PPP3CA: variants seen among roughly 807,000 people sequenced by gnomAD.
The protein encoded by PPP3CA is protein phosphatase 3 catalytic subunit alpha.
Under a neutral mutation model 66.5 loss-of-function variants are expected in PPP3CA, and 14 were observed. That is an observed-to-expected ratio of 0.21 (90% CI 0.14 to 0.33). The LOEUF (loss-of-function observed/expected upper bound fraction) is 0.33, where lower values mean the gene tolerates loss of function less well. PPP3CA is among the 10% of genes least tolerant of loss of function. PPP3CA has a pLI of 1.00. For missense variants in PPP3CA, 317 were observed against 639.5 expected (o/e 0.50, Z 5.44); for synonymous variants, 232 against 226.2 (o/e 1.03, Z -0.23).
At chr4:101,275,700 T>C (rs1727467147) in intron 1 of PPP3CA, among the ~76,000 whole-genome samples, 1 of 152,190 alleles carries the variant, frequency 6.6e-6, no homozygotes, top group Non-Finnish European at 1.5e-5. Flanking sequence ...CTCAAAATTA[T>C]AAAATACTAA....
chr4:101,319,605 TAGC>T (rs1281498654), intron 1 of PPP3CA, among the ~76,000 whole-genome samples: 2 of 152,108 alleles, frequency 1.3e-5, no homozygotes, highest in East Asian at 1.9e-4. Context: ...ACTTCCATAA[TAGC>T]AGTTCATTCC....
At chr4:101,027,741 G>A (rs554591500) in intron 13 of PPP3CA, among the ~76,000 whole-genome samples, 1 of 152,074 alleles carries the variant, frequency 6.6e-6, no homozygotes, top group Non-Finnish European at 1.5e-5. Context: ...TGGTAAAAGT[G>A]AAATTTCTAG....
chr4:101,199,294 T>C (rs1422437769), intron 1 of PPP3CA, among the ~76,000 whole-genome samples: 3 of 152,200 alleles, frequency 2.0e-5, no homozygotes. Flanking sequence ...TGAAAGTTGC[T>C]ACGCTTAATA....
chr4:101,308,573 G>A (rs1191922200), intron 1 of PPP3CA, among the ~76,000 whole-genome samples: 2 of 151,998 alleles, frequency 1.3e-5, no homozygotes, highest in Non-Finnish European at 2.9e-5. Context: ...AGCCTCCCAA[G>A]TAGCTGGGAT....
At chr4:101,244,192 C>T (rs1225045463) in intron 1 of PPP3CA, among the ~76,000 whole-genome samples, 1 of 152,140 alleles carries the variant, frequency 6.6e-6, no homozygotes, top group East Asian at 1.9e-4. Context: ...TTTCTGTATA[C>T]AAGTTAGTTT....
intron 1 of PPP3CA, among the ~76,000 whole-genome samples, chr4:101,309,338 C>T (rs2110308467): frequency 6.6e-6 from 1 of 152,226 alleles, no homozygotes; most frequent in African/African-American, 2.4e-5. Flanking sequence ...TATAAAATGA[C>T]AAAGCTTTCT....
intron 1 of PPP3CA, among the ~76,000 whole-genome samples, chr4:101,301,301 T>C (rs1728368170): frequency 6.6e-6 from 1 of 151,520 alleles, no homozygotes; most frequent in South Asian, 2.1e-4. Flanking sequence ...TGATACTACC[T>C]GCTAAATATT....
chr4:101,188,226 G>T (rs920532542), intron 2 of PPP3CA, among the ~76,000 whole-genome samples: 1 of 152,034 alleles, frequency 6.6e-6, no homozygotes, highest in Non-Finnish European at 1.5e-5. Flanking sequence ...AAAAATATAT[G>T]AATCTGAAAA....
chr4:101,342,835 CAT>C (rs1287581513), intron 1 of PPP3CA, among the ~76,000 whole-genome samples: 4 of 152,158 alleles, frequency 2.6e-5, no homozygotes, highest in African/African-American at 9.7e-5. Flanking sequence ...ACGAATGTGA[CAT>C]ATTTGTTTTC....
At chr4:101,284,513 TAAA>T (rs1349665771) in intron 1 of PPP3CA, among the ~76,000 whole-genome samples, 1 of 152,068 alleles carries the variant, frequency 6.6e-6, no homozygotes, top group Non-Finnish European at 1.5e-5. Flanking sequence ...TAACACAAGA[TAAA>T]AAAGATACCA....
At chr4:101,319,490 T>C (rs1200896592) in intron 1 of PPP3CA, among the ~76,000 whole-genome samples, 2 of 152,102 alleles carry the variant, frequency 1.3e-5, no homozygotes, top group African/African-American at 2.4e-5. Flanking sequence ...CCCAAAACTT[T>C]CACATTACAA....
chr4:101,063,463 A>C, intron 8 of PPP3CA, 106 bp from the exon 9 acceptor site: 1 of 1,344,130 alleles, frequency 7.4e-7, no homozygotes, highest in East Asian at 2.4e-5. Flanking sequence ...AAGTTCCAAA[A>C]CATCCAGGCT....
At chr4:101,227,149 T>C (rs72681068) in intron 1 of PPP3CA, among the ~76,000 whole-genome samples, 1 of 140,630 alleles carries the variant, frequency 7.1e-6, no homozygotes, top group Non-Finnish European at 1.6e-5. Flanking sequence ...TACATACACA[T>C]AAATGACATT....
At chr4:101,233,015 A>T (rs1161780992) in intron 1 of PPP3CA, among the ~76,000 whole-genome samples, 2 of 123,416 alleles carry the variant, frequency 1.6e-5, no homozygotes, top group African/African-American at 5.0e-5. Flanking sequence ...GAACTATACA[A>T]ATGAGATTTT....
At chr4:101,132,792 A>G (rs889419872) in intron 2 of PPP3CA, among the ~76,000 whole-genome samples, 1 of 152,198 alleles carries the variant, frequency 6.6e-6, no homozygotes, top group Non-Finnish European at 1.5e-5. Flanking sequence ...AAGAGACACA[A>G]CCAAAAAAGA....
intron 1 of PPP3CA, among the ~76,000 whole-genome samples, chr4:101,302,540 G>A (rs925718354): frequency 1.3e-5 from 2 of 152,034 alleles, no homozygotes; most frequent in African/African-American, 4.8e-5. Context: ...GCACTTTTCT[G>A]TTTTTTTGAG....
In PPP3CA at chr4:101,067,268, T is replaced by C. The variant is rs183196727; in HGVS notation, c.956-3911A>G. 1.1e-3 allele frequency among the ~76,000 whole-genome samples: 165 copies of C among 152,264 alleles called. 2 individuals are homozygous for C. The highest frequency in any genetic ancestry group is 3.9e-3 in the African/African-American group (162 of 41,554). On this transcript the variant is annotated intron_variant, in intron 8 of 13. Coordinates refer to ENST00000394854, the MANE Select transcript of PPP3CA (RefSeq NM_000944.5). ...AAAGACAATCCACTCATTTTTATAG[T>C]ACCTGTAGAACCCTGTGTTCAAAGA...
At chr4:101,266,803 G>A (rs1247355777) in intron 1 of PPP3CA, among the ~76,000 whole-genome samples, 3 of 152,164 alleles carry the variant, frequency 2.0e-5, no homozygotes, top group Non-Finnish European at 4.4e-5. Context: ...AAAATTAAGA[G>A]AACAGTATCT....
rs751759518 is a variant in PPP3CA, at chr4:101,106,450, A to AAAGAAAGAAAGAAGAGAAGAGAAGAG, written c.384+2503_384+2504insCTCTTCTCTTCTCTTCTTTCTTTCTT. On this transcript the variant is annotated intron_variant, in intron 3 of 13. Transcript: ENST00000394854. ...GAAAGAAAGAAAGAAAGAAAGAAAGAAAGAGAAAAGAAAAGAAAAGAAAAG... is the reference window on the plus strand; with the variant it reads ...GAAAGAAAGAAAGAAAGAAAGAAAGAAAGAAAGAAAGAAGAGAAGAGAAGAGAAGAGAAAAGAAAAGAAAAGAAAAG... Among the ~76,000 whole-genome samples the AAAGAAAGAAAGAAGAGAAGAGAAGAG allele has an allele frequency of 2.7e-4, 3 of 11,094 alleles. 1 individual carries two copies. The highest frequency in any genetic ancestry group is 2.3e-3 in the Admixed American group (2 of 886). 7.3% of individuals were successfully genotyped at this position (11,094 alleles called of 152,430 possible). A position where few individuals can be genotyped will look rare whatever the true frequency, so the allele number is the denominator to read the frequency against.
Sources: gnomAD v4.1 joint callset for allele counts (sites outside exome capture counted in the v4.1 genomes callset) on GRCh38, gnomAD v4.1.1 for gene constraint, MANE v1.5 for transcripts, NCBI Gene and HGNC (gene_info 2026-07-23, HGNC 2026-07-21) for gene names.